The following FRMPD3 variants were observed in gnomAD, a reference collection of about 807,000 sequenced individuals.
The protein encoded by FRMPD3 is FERM and PDZ domain containing 3, also known as FERM and PDZ domain-containing protein 3.
In FRMPD3, 42 loss-of-function variants were observed where a neutral mutation model predicts 97.9. The ratio of observed to expected loss-of-function variants is 0.43; its 90% CI spans 0.34 to 0.55. FRMPD3 has a LOEUF of 0.55. Among genes scored for constraint, FRMPD3 ranks in the 20% least tolerant of loss-of-function variants. The pLI, the probability that FRMPD3 is intolerant of heterozygous loss-of-function variation, is 0.03. For synonymous variants in FRMPD3, 577 were observed against 581.1 expected (o/e 0.99, Z 0.10); for missense variants, 1,303 against 1,457.7 (o/e 0.89, Z 1.73).
Position 107,560,387 on chromosome X carries a change from A to C in FRMPD3, c.893A>C (p.Asn298Thr), listed in dbSNP as rs757364369. 3 of 1,206,511 alleles carry C rather than the reference A, an allele frequency of 2.5e-6. No individual in the cohort carries two copies. ...TRPSQKISLKNVEKEWGLEPF... is the reference protein window; with the variant it reads ...TRPSQKISLKTVEKEWGLEPF... ...CCTAGTCAGAAGATCTCGCTCAAGA[A>C]TGTGGAGTGAGTTGTGCTGCGGCCC... Residue 298 changes from asparagine (N) to threonine (T), a missense_variant, in exon 9 of 15, where the codon AAT (asparagine) becomes ACT (threonine). Transcript: ENST00000683843.
chrX:107,536,374 A>G (rs1923240927), intron 4 of FRMPD3, among the ~76,000 whole-genome samples: 2 of 111,103 alleles, frequency 1.8e-5, no homozygotes, highest in African/African-American at 6.6e-5. Context: ...AAGCAAAAAT[A>G]ATATATAAAT....
intron 10 of FRMPD3, among the ~76,000 whole-genome samples, chrX:107,561,353 A>T (rs369562341): frequency 1.4e-3 from 150 of 104,878 alleles, no homozygotes; most frequent in African/African-American, 5.3e-3. Flanking sequence ...AAAATAATTT[A>T]AAAAAAATGT....
chrX:107,524,780 G>A (rs946603791), intron 1 of FRMPD3, among the ~76,000 whole-genome samples: 1 of 110,916 alleles, frequency 9.0e-6, no homozygotes, highest in Non-Finnish European at 1.9e-5. Context: ...ATCGCCTGAG[G>A]TCGGGAGTTC....
intron 1 of FRMPD3, among the ~76,000 whole-genome samples, chrX:107,484,713 C>T (rs1921459596): frequency 8.9e-6 from 1 of 112,078 alleles, no homozygotes; most frequent in Non-Finnish European, 1.9e-5. Context: ...GGCTGAGGTG[C>T]CTATCCATGG....
At chrX:107,584,494 C>T (rs1202476611) in intron 13 of FRMPD3, among the ~76,000 whole-genome samples, 3 of 111,930 alleles carry the variant, frequency 2.7e-5, no homozygotes, top group Non-Finnish European at 5.6e-5. Flanking sequence ...TTGCTTTTGG[C>T]ATTTTTGTCA....
intron 1 of FRMPD3, among the ~76,000 whole-genome samples, chrX:107,452,518 G>T (rs1372896311): frequency 1.8e-5 from 2 of 112,173 alleles, no homozygotes; most frequent in African/African-American, 6.5e-5. Flanking sequence ...GCTGCCCCAG[G>T]CTTCTGGCCC....
At chrX:107,565,703 A>T (rs951048697) in intron 12 of FRMPD3, among the ~76,000 whole-genome samples, 5 of 110,577 alleles carry the variant, frequency 4.5e-5, no homozygotes, top group Admixed American at 1.9e-4. Flanking sequence ...TCAAAAAAAA[A>T]AAATAAAATA....
At position 107,459,536 on chromosome X, in the gene FRMPD3, A is replaced by G. The variant is rs908327706; in HGVS notation, c.-8+9531A>G. 2.7e-5 allele frequency among the ~76,000 whole-genome samples: 3 copies of G among 112,138 alleles called. No individual in the cohort carries two copies. In the Admixed American group the frequency reaches 2.8e-4, roughly 11 times the overall value. ...CCCACCAACTTTCCCCTCCCCACCC[A>G]ATCCACTGAATATCAGCCCTGGATA... is the stretch of plus-strand genomic sequence containing the variant. On this transcript the variant is annotated intron_variant, in intron 1 of 14. Coordinates refer to ENST00000683843, the MANE Select transcript of FRMPD3 (RefSeq NM_001388459.1).
intron 13 of FRMPD3, among the ~76,000 whole-genome samples, chrX:107,593,608 C>T (rs1399568074): frequency 9.0e-6 from 1 of 111,614 alleles, no homozygotes. Flanking sequence ...CATTCTCCTA[C>T]ATGGGGCTAG....
At chrX:107,572,925 A>G (rs182405822) in intron 12 of FRMPD3, among the ~76,000 whole-genome samples, 1 of 109,183 alleles carries the variant, frequency 9.2e-6, no homozygotes, top group African/African-American at 3.3e-5. Flanking sequence ...TAATAATAAT[A>G]ATAAAGTAGA....
chrX:107,560,647 C>T, intron 9 of FRMPD3, 80 bp from the exon 10 acceptor site: 1 of 1,048,338 alleles, frequency 9.5e-7, no homozygotes, highest in Non-Finnish European at 1.3e-6. Context: ...CTCTCAGATT[C>T]AGTCAATTTC....
intron 1 of FRMPD3, among the ~76,000 whole-genome samples, chrX:107,471,244 G>A (rs1206733660): frequency 1.8e-5 from 2 of 109,697 alleles, no homozygotes; most frequent in Non-Finnish European, 3.8e-5. Context: ...TCTGCTCCAA[G>A]CCTCTTCTTT....
In FRMPD3 at chrX:107,587,269, T is replaced by C. The variant is rs187495548; in HGVS notation, c.1442-10052T>C. ...CTATTTTGTCAGAGACTAGGATTACTACTCCTGCTTTTTTTTTCTTTCCAT... is the reference window on the plus strand; with the variant it reads ...CTATTTTGTCAGAGACTAGGATTACCACTCCTGCTTTTTTTTTCTTTCCAT... On this transcript the variant is annotated intron_variant, in intron 13 of 14. Transcript: ENST00000683843. Among the ~76,000 whole-genome samples the C allele has an allele frequency of 2.0e-3, 228 of 111,522 alleles. 1 individual carries two copies. The highest frequency in any genetic ancestry group is 7.2e-3 in the African/African-American group (220 of 30,745).
At chrX:107,468,779 T>G (rs1484997563) in intron 1 of FRMPD3, among the ~76,000 whole-genome samples, 2 of 112,943 alleles carry the variant, frequency 1.8e-5, no homozygotes, top group Non-Finnish European at 3.7e-5. Flanking sequence ...TTTGGCCACC[T>G]GCTTTGCAGC....
At chrX:107,489,034 G>A (rs1394845999) in intron 1 of FRMPD3, among the ~76,000 whole-genome samples, 1 of 87,020 alleles carries the variant, frequency 1.1e-5, no homozygotes, top group East Asian at 3.7e-4. Flanking sequence ...CCCTTCCTGT[G>A]TCCATGTGTT....
chrX:107,464,200 C>A (rs1931521416), intron 1 of FRMPD3, among the ~76,000 whole-genome samples: 1 of 111,710 alleles, frequency 9.0e-6, no homozygotes, highest in Non-Finnish European at 1.9e-5. Flanking sequence ...TCCTGTTGAA[C>A]AACTCTAATT....
At chrX:107,496,740 C>T (rs763787920) in intron 1 of FRMPD3, among the ~76,000 whole-genome samples, 2 of 111,334 alleles carry the variant, frequency 1.8e-5, no homozygotes, top group African/African-American at 6.5e-5. Context: ...CAGAGAGCTC[C>T]GCAGCTCTCC....
At position 107,573,907 on chromosome X, in the gene FRMPD3, G is replaced by T. The variant is rs190412682; in HGVS notation, c.1297-2408G>T. On this transcript the variant is annotated intron_variant, in intron 12 of 14. Transcript: ENST00000683843. ...TTGAATCTCCAGCATAGAGGTTAAA[G>T]CAGACACCCTGATGGAGAAGAATTG... 3.6e-5 allele frequency among the ~76,000 whole-genome samples: 4 copies of T among 112,257 alleles called. No homozygotes were observed. The East Asian group carries it at 1.1e-3, about 31-fold the overall frequency.
rs765464244 is a variant in FRMPD3, at chrX:107,602,251, C to T, written c.4212C>T (p.Asp1404=). The T allele has an allele frequency of 9.1e-6, 11 of 1,206,800 alleles. No individual in the cohort carries two copies. The East Asian group carries it at 3.3e-4, about 36-fold the overall frequency. The change falls in exon 15 of 15, where the codon GAC becomes GAT. Residue 1404 remains aspartate, a synonymous_variant. Transcript: ENST00000683843. ...RYSISELDQG[D]RASLTSDVYP... ...GTATCAGTGAGCTGGACCAGGGTGA[C>T]AGGGCCTCGCTGACCTCGGATGTCT...
Sources: allele counts gnomAD v4.1 joint callset (sites outside exome capture counted in the v4.1 genomes callset), GRCh38; gene constraint gnomAD v4.1.1; transcripts MANE v1.5; gene names NCBI Gene and HGNC (gene_info 2026-07-23, HGNC 2026-07-21).